TENT4B: variants seen among roughly 807,000 people sequenced by gnomAD.
The protein encoded by TENT4B is terminal nucleotidyltransferase 4B, also known as PAP associated domain containing 5.
A neutral mutation model predicts 75.0 loss-of-function variants in TENT4B; 10 were observed. The ratio of observed to expected loss-of-function variants is 0.13; its 90% CI spans 0.08 to 0.23. The LOEUF is 0.23. Ranked by LOEUF, TENT4B falls within the 10% of genes least tolerant of loss-of-function variation. The probability of loss-of-function intolerance (pLI) is 1.00; values close to 1 mark genes in which losing one functional copy is unlikely to be tolerated. For synonymous variants in TENT4B, 350 were observed against 357.7 expected (o/e 0.98, Z 0.24); for missense variants, 579 against 893.8 (o/e 0.65, Z 4.49).
chr16:50,217,937 T>C (rs2031646865), intron 5 of TENT4B, among the ~76,000 whole-genome samples: 1 of 150,958 alleles, frequency 6.6e-6, no homozygotes, highest in South Asian at 2.1e-4. Flanking sequence ...GGCTATTTTT[T>C]GTATTTTTTT....
chr16:50,167,054 G>C (rs1426977631), intron 1 of TENT4B, among the ~76,000 whole-genome samples: 1 of 152,124 alleles, frequency 6.6e-6, no homozygotes, highest in Non-Finnish European at 1.5e-5. Flanking sequence ...TTCCTGAGTA[G>C]CTAGGACTGC....
At chr16:50,208,795 C>T (rs1465110548) in intron 1 of TENT4B, among the ~76,000 whole-genome samples, 6 of 151,904 alleles carry the variant, frequency 3.9e-5, no homozygotes, top group Non-Finnish European at 5.9e-5. Context: ...TGCAGTGGCA[C>T]GGTGTCAGCT....
chr16:50,159,196 C>T (rs1022626873), intron 1 of TENT4B, among the ~76,000 whole-genome samples: 3 of 151,680 alleles, frequency 2.0e-5, no homozygotes, highest in African/African-American at 4.8e-5. Flanking sequence ...ATATCTGCTT[C>T]TCTTTCTCTC....
chr16:50,210,404 TAGTC>T (rs2031217787), intron 1 of TENT4B, among the ~76,000 whole-genome samples: 1 of 152,212 alleles, frequency 6.6e-6, no homozygotes, highest in Non-Finnish European at 1.5e-5. Context: ...ACCACCATGA[TAGTC>T]AGGCGCTGCG....
intron 1 of TENT4B, among the ~76,000 whole-genome samples, chr16:50,189,165 T>C (rs2038592332): frequency 6.6e-6 from 1 of 152,182 alleles, no homozygotes; most frequent in Admixed American, 6.5e-5. Context: ...ATTCTTAATC[T>C]TAGAGATAGG....
chr16:50,205,148 G>T (rs2030876761), intron 1 of TENT4B, among the ~76,000 whole-genome samples: 1 of 152,090 alleles, frequency 6.6e-6, no homozygotes, highest in South Asian at 2.1e-4. Flanking sequence ...GACCCCCCCA[G>T]TCCCTCTTCG....
upstream of TENT4B, chr16:50,153,068 G>C (rs776870282): frequency 5.5e-5 from 79 of 1,446,560 alleles, 2 homozygotes; most frequent in South Asian, 9.0e-4. Flanking sequence ...CGCAAGTACG[G>C]TTGGGCCAGG....
chr16:50,226,367 G>A (rs1323859241), intron 10 of TENT4B, among the ~76,000 whole-genome samples: 1 of 152,128 alleles, frequency 6.6e-6, no homozygotes, highest in African/African-American at 2.4e-5. Flanking sequence ...ATAGAATATA[G>A]TCTTGTGTAA....
At chr16:50,158,887 A>G (rs916483019) in intron 1 of TENT4B, among the ~76,000 whole-genome samples, 2 of 152,204 alleles carry the variant, frequency 1.3e-5, no homozygotes, top group Admixed American at 6.5e-5. Context: ...GATGATTCAG[A>G]TTCCTTAAGT....
At chr16:50,227,757 T>C in intron 10 of TENT4B, 82 bp from the exon 11 acceptor site, 1 of 1,505,538 alleles carries the variant, frequency 6.6e-7, no homozygotes. Context: ...GAGAGTACTT[T>C]AACCAAAATT....
At chr16:50,167,925 G>T (rs978053248) in intron 1 of TENT4B, among the ~76,000 whole-genome samples, 1 of 152,024 alleles carries the variant, frequency 6.6e-6, no homozygotes, top group Non-Finnish European at 1.5e-5. Flanking sequence ...CCCAAGTGCT[G>T]GGATTACAGG....
chr16:50,160,488 G>T (rs1181107506), intron 1 of TENT4B, among the ~76,000 whole-genome samples: 1 of 152,186 alleles, frequency 6.6e-6, no homozygotes, highest in Non-Finnish European at 1.5e-5. Context: ...GAACGGGGGT[G>T]TGTATTAGAA....
chr16:50,193,370 C>T (rs1305851660), intron 1 of TENT4B, among the ~76,000 whole-genome samples: 9 of 117,906 alleles, frequency 7.6e-5, no homozygotes, highest in South Asian at 3.0e-4. Context: ...CGGAGTTTTG[C>T]TCTGTCGCCC....
chr16:50,174,262 T>C (rs1353639101), intron 1 of TENT4B, among the ~76,000 whole-genome samples: 18 of 152,008 alleles, frequency 1.2e-4, no homozygotes, highest in Admixed American at 1.2e-3. Context: ...TGCACCTGGC[T>C]AATTTTTGTA....
At chr16:50,227,644 T>G (rs1373675998) in intron 10 of TENT4B, among the ~76,000 whole-genome samples, 195 bp from the exon 11 acceptor site, 2 of 152,222 alleles carry the variant, frequency 1.3e-5, no homozygotes, top group South Asian at 2.1e-4. Context: ...GAACAGAAGC[T>G]CTCTGATAAA....
intron 1 of TENT4B, among the ~76,000 whole-genome samples, chr16:50,203,901 G>A (rs903984295): frequency 1.3e-5 from 2 of 152,204 alleles, no homozygotes; most frequent in South Asian, 4.1e-4. Flanking sequence ...GCTCTGCCAC[G>A]GGTAGGCCTG....
intron 1 of TENT4B, among the ~76,000 whole-genome samples, chr16:50,167,496 G>T: frequency 1.4e-5 from 2 of 144,588 alleles, no homozygotes; most frequent in South Asian, 2.2e-4. Flanking sequence ...ACAAAGTTTT[G>T]TTTCAATGAT....
chr16:50,167,340 C>A (rs186736397), intron 1 of TENT4B, among the ~76,000 whole-genome samples: 1 of 151,334 alleles, frequency 6.6e-6, no homozygotes, highest in East Asian at 1.9e-4. Context: ...AAATGCTAGA[C>A]CCTTATCAGA....
intron 1 of TENT4B, among the ~76,000 whole-genome samples, chr16:50,158,171 C>G (rs1436303481): frequency 6.6e-6 from 1 of 152,118 alleles, no homozygotes; most frequent in Non-Finnish European, 1.5e-5. Context: ...ACTGCAACCT[C>G]CGTCTCCCAG....
Sources: allele counts gnomAD v4.1 joint callset (sites outside exome capture counted in the v4.1 genomes callset), GRCh38; gene constraint gnomAD v4.1.1; transcripts MANE v1.5; gene names NCBI Gene and HGNC (gene_info 2026-07-23, HGNC 2026-07-21).